Variants in KCTD14 observed in about 807,000 individuals in gnomAD.
The protein encoded by KCTD14 is BTB/POZ domain-containing protein KCTD14.
KCTD14 carries 7 observed loss-of-function variants against 5.9 expected under a neutral mutation model. The ratio of observed to expected loss-of-function variants is 1.19; its 90% CI spans 0.68 to 2.23. The LOEUF (loss-of-function observed/expected upper bound fraction) is 2.23. Ranked by LOEUF, KCTD14 falls within the 30% of genes most tolerant of loss-of-function variation. The pLI is 0.00. For missense variants in KCTD14, 342 were observed against 332.2 expected, an observed-to-expected ratio of 1.03 and a Z score of -0.23; for synonymous variants, 140 against 133.1, an observed-to-expected ratio of 1.05 and a Z score of -0.36.
At chr11:78,040,722 G>A (rs1181700787) in intron 1 of KCTD14, among the ~76,000 whole-genome samples, 1 of 151,744 alleles carries the variant, frequency 6.6e-6, no homozygotes, top group Non-Finnish European at 1.5e-5. Context: ...CCAGTCTGCA[G>A]TGCAATGGCG....
intron 1 of KCTD14, among the ~76,000 whole-genome samples, chr11:78,017,713 C>T (rs371759204): frequency 4.6e-5 from 7 of 151,960 alleles, no homozygotes; most frequent in South Asian, 2.1e-4. Flanking sequence ...CCACAGTGCC[C>T]GGCCGAGGGT....
At chr11:78,043,745 C>T (rs1481287558) in intron 1 of KCTD14, among the ~76,000 whole-genome samples, 1 of 152,152 alleles carries the variant, frequency 6.6e-6, no homozygotes, top group Non-Finnish European at 1.5e-5. Context: ...CAAAGTGGTG[C>T]AGCCCACATG....
At chr11:78,042,874 C>G (rs1365987869) in intron 1 of KCTD14, among the ~76,000 whole-genome samples, 1 of 152,248 alleles carries the variant, frequency 6.6e-6, no homozygotes, top group African/African-American at 2.4e-5. Context: ...AAAGATTGGT[C>G]AGACCCGGTG....
intron 1 of KCTD14, among the ~76,000 whole-genome samples, chr11:78,038,954 C>G (rs772449543): frequency 2.6e-5 from 4 of 151,846 alleles, no homozygotes; most frequent in Non-Finnish European, 5.9e-5. Flanking sequence ...GCAAGGGATT[C>G]CATAGCGGGA....
chr11:78,017,617 G>C (rs1857206764), intron 1 of KCTD14, among the ~76,000 whole-genome samples: 1 of 151,822 alleles, frequency 6.6e-6, no homozygotes, highest in East Asian at 2.0e-4. Flanking sequence ...ACTAATTTTT[G>C]TATTTTTAGT....
Position 78,020,073 on chromosome 11 carries a change from C to G in KCTD14, c.91-2803G>C, listed in dbSNP as rs367849871. Reference sequence around the variant, plus strand: ...TTCAAGGAACTCACAGTGGAGACAGCGAAATAGACGGCTTAAGCATGTAGG... The same window carrying G: ...TTCAAGGAACTCACAGTGGAGACAGGGAAATAGACGGCTTAAGCATGTAGG... On this transcript the variant is annotated intron_variant, in intron 1 of 1. Coordinates refer to ENST00000353172, the MANE Select transcript of KCTD14 (RefSeq NM_023930.4). 3.2e-4 allele frequency among the ~76,000 whole-genome samples: 49 copies of G among 152,242 alleles called. 2 individuals are homozygous for G. The highest frequency in any genetic ancestry group is 1.2e-3 in the African/African-American group (49 of 41,550).
rs1233455472 is a variant in KCTD14, at chr11:78,016,692, G to A, written c.669C>T (p.Ala223=). 1 of 1,614,094 alleles carries A rather than the reference G, an allele frequency of 6.2e-7. No homozygotes were observed. Reference sequence around the variant, plus strand: ...ACTTGGAGAATACCTTGTACCCCTGGGCCTTAATGTCCATCTCCAGGCAGT... The same window carrying A: ...ACTTGGAGAATACCTTGTACCCCTGAGCCTTAATGTCCATCTCCAGGCAGT... ...LMHCLEMDIK[A]QGYKVFSKFY... is the part of the protein sequence containing the mutation. Residue 223 remains alanine, a synonymous_variant, in exon 2 of 2, where the codon GCC becomes GCT. Transcript: ENST00000353172.
chr11:78,032,560 C>A (rs543877164), intron 2 of KCTD14, among the ~76,000 whole-genome samples: 2 of 152,320 alleles, frequency 1.3e-5, no homozygotes, highest in South Asian at 2.1e-4. Context: ...TGCTAAACCA[C>A]GATTCAAATC....
intron 2 of KCTD14, among the ~76,000 whole-genome samples, chr11:78,038,379 C>T (rs1451787258): frequency 6.6e-6 from 1 of 152,232 alleles, no homozygotes; most frequent in Non-Finnish European, 1.5e-5. Flanking sequence ...CTCTGGCCTG[C>T]AGGGCCAATT....
intron 2 of KCTD14, among the ~76,000 whole-genome samples, chr11:78,029,787 C>CTT (rs1264522822): frequency 1.5e-5 from 2 of 137,510 alleles, no homozygotes; most frequent in Non-Finnish European, 3.2e-5. Context: ...TTTTTTTTTT[C>CTT]TTTTTTTTTT....
chr11:78,027,296 G>T (rs1191437968), upstream of KCTD14, among the ~76,000 whole-genome samples: 1 of 151,894 alleles, frequency 6.6e-6, no homozygotes, highest in Non-Finnish European at 1.5e-5. Context: ...ACTTTGGGAG[G>T]CTAAGGTAGG....
At chr11:78,029,652 A>G (rs1471153202) in intron 2 of KCTD14, among the ~76,000 whole-genome samples, 1 of 152,240 alleles carries the variant, frequency 6.6e-6, no homozygotes, top group Non-Finnish European at 1.5e-5. Flanking sequence ...TGTTTGCAAA[A>G]TAAACTTTAG....
intron 1 of KCTD14, among the ~76,000 whole-genome samples, chr11:78,018,828 G>C (rs1443350766): frequency 6.6e-6 from 1 of 152,140 alleles, no homozygotes; most frequent in Non-Finnish European, 1.5e-5. Flanking sequence ...GGTGAAGTAG[G>C]AGGGACAATT....
rs569668340 is a variant in KCTD14, at chr11:78,016,945, A to G, written c.416T>C (p.Leu139Ser). 10 of 1,614,104 alleles carry G rather than the reference A, an allele frequency of 6.2e-6. No individual in the cohort carries two copies. Among genetic ancestry groups the G allele is most frequent in the African/African-American group, 1.3e-5 (1 of 74,942 alleles). ...CTCGCTGTAGCCCGGCACTTGCAGC[A>G]AAAACTGCTTCCGAGACACCTGCTC... Reference protein sequence around the residue: ...FGEQVSRKQFLLQVPGYSENL... With the variant: ...FGEQVSRKQFSLQVPGYSENL... Residue 139 changes from leucine (L) to serine (S), a missense_variant, in exon 2 of 2, where the codon TTG (leucine) becomes TCG (serine). Leu to Ser is a moderately radical substitution (Grantham distance 145, BLOSUM62 -2). Transcript: ENST00000353172.
At chr11:78,032,294 G>A (rs1591187975) in intron 2 of KCTD14, among the ~76,000 whole-genome samples, 1 of 152,238 alleles carries the variant, frequency 6.6e-6, no homozygotes, top group African/African-American at 2.4e-5. Context: ...AGCCTTGACT[G>A]GAAGAACAGA....
At chr11:78,045,369 C>G (rs1858105517) in intron 1 of KCTD14, among the ~76,000 whole-genome samples, 2 of 152,134 alleles carry the variant, frequency 1.3e-5, no homozygotes, top group Non-Finnish European at 2.9e-5. Flanking sequence ...TCCCAAAGTA[C>G]CAGTCTTAGG....
intron 2 of KCTD14, among the ~76,000 whole-genome samples, chr11:78,030,965 T>C (rs1293401029): frequency 6.6e-6 from 1 of 151,944 alleles, no homozygotes; most frequent in Admixed American, 6.6e-5. Flanking sequence ...CAGGACTACA[T>C]CAGATTGATC....
At chr11:78,023,405 A>G (rs1009850824), upstream of KCTD14, 14 of 692,652 alleles carry the variant, frequency 2.0e-5, no homozygotes, top group Non-Finnish European at 3.3e-5. Context: ...TGGGGCTTCT[A>G]AAAGTTGTTA....
chr11:78,025,480 C>T (rs1362079998), upstream of KCTD14, among the ~76,000 whole-genome samples: 1 of 152,124 alleles, frequency 6.6e-6, no homozygotes, highest in Non-Finnish European at 1.5e-5. Context: ...CCCTCACAGG[C>T]ACACCCAGGA....
Sources: gnomAD v4.1 joint callset for allele counts (sites outside exome capture counted in the v4.1 genomes callset) on GRCh38, gnomAD v4.1.1 for gene constraint, MANE v1.5 for transcripts, NCBI Gene and HGNC (gene_info 2026-07-23, HGNC 2026-07-21) for gene names.